The following ADAMTSL3 variants were observed in gnomAD, a reference collection of about 807,000 sequenced individuals.
The protein encoded by ADAMTSL3 is ADAMTS-like protein 3.
A neutral mutation model predicts 201.7 loss-of-function variants in ADAMTSL3; 128 were observed. That is an observed-to-expected ratio of 0.63 (90% CI 0.55 to 0.73). The LOEUF is 0.73. ADAMTSL3 is among the 30% of genes least tolerant of loss of function. The probability of loss-of-function intolerance (pLI) is 0.00; values close to 1 mark genes in which losing one functional copy is unlikely to be tolerated. For missense variants in ADAMTSL3, 1,990 were observed against 2,119.6 expected, an observed-to-expected ratio of 0.94 and a Z score of 1.20; for synonymous variants, 738 against 748.4, an observed-to-expected ratio of 0.99 and a Z score of 0.23.
intron 19 of ADAMTSL3, among the ~76,000 whole-genome samples, chr15:83,958,318 C>A (rs761818583): frequency 6.6e-6 from 1 of 152,140 alleles, no homozygotes; most frequent in African/African-American, 2.4e-5. Flanking sequence ...TGCAGAACCA[C>A]TAAAGGGCTT....
intron 20 of ADAMTSL3, among the ~76,000 whole-genome samples, chr15:83,971,639 A>G (rs922230555): frequency 6.6e-6 from 1 of 150,886 alleles, no homozygotes; most frequent in East Asian, 1.9e-4. Context: ...CATGACAGCC[A>G]TGACAGCAAT....
At chr15:83,770,383 G>A (rs979415451) in intron 3 of ADAMTSL3, among the ~76,000 whole-genome samples, 11 of 152,190 alleles carry the variant, frequency 7.2e-5, no homozygotes, top group Admixed American at 2.6e-4. Context: ...AACAACATTC[G>A]TTCCTAGTCC....
chr15:83,796,793 T>C (rs1197638554), intron 4 of ADAMTSL3, among the ~76,000 whole-genome samples: 1 of 152,168 alleles, frequency 6.6e-6, no homozygotes, highest in Non-Finnish European at 1.5e-5. Context: ...AAAGTGGCCC[T>C]GTAAATCAGT....
intron 2 of ADAMTSL3, among the ~76,000 whole-genome samples, chr15:83,673,480 G>GT (rs1055901543): frequency 7.2e-5 from 11 of 151,976 alleles, no homozygotes; most frequent in Admixed American, 2.0e-4. Context: ...TCATTGCTGG[G>GT]TTTTTTTTCT....
At position 83,991,138 on chromosome 15, in the gene ADAMTSL3, C is replaced by T. The variant is rs749738577; in HGVS notation, c.3897C>T (p.Asn1299=). 1.9e-6 allele frequency: 3 copies of T among 1,614,230 alleles called. No homozygotes were observed. The highest frequency in any genetic ancestry group is 2.5e-6 in the Non-Finnish European group (3 of 1,180,028). The change falls in exon 23 of 30, where the codon AAC becomes AAT. Residue 1299 remains asparagine, a synonymous_variant. Transcript: ENST00000286744. ...VERNITKPEH[N]HLSVVVGGIV... ...GAAATATCACCAAACCAGAGCACAACCATCTGTCTGTTGTGGTTGGAGGCA... is the reference window on the plus strand; with the variant it reads ...GAAATATCACCAAACCAGAGCACAATCATCTGTCTGTTGTGGTTGGAGGCA...
At chr15:84,000,786 A>T (rs1201046266) in intron 23 of ADAMTSL3, among the ~76,000 whole-genome samples, 1 of 152,234 alleles carries the variant, frequency 6.6e-6, no homozygotes, top group South Asian at 2.1e-4. Flanking sequence ...GCACGGAAAC[A>T]TGAAAGCACC....
intron 7 of ADAMTSL3, among the ~76,000 whole-genome samples, chr15:83,838,918 C>G (rs147028520): frequency 6.6e-6 from 1 of 152,298 alleles, no homozygotes; most frequent in Non-Finnish European, 1.5e-5. Flanking sequence ...CTCAACACAG[C>G]TGTTGCAGTG....
intron 2 of ADAMTSL3, among the ~76,000 whole-genome samples, chr15:83,674,989 TA>T (rs1380407822): frequency 4.0e-5 from 6 of 151,860 alleles, no homozygotes; most frequent in Admixed American, 3.9e-4. Context: ...ACATATTCTA[TA>T]TTTTTTTGGA....
chr15:83,824,714 C>T (rs1435639256), intron 6 of ADAMTSL3: 3 of 152,128 alleles, frequency 2.0e-5, no homozygotes, highest in African/African-American at 7.2e-5. Flanking sequence ...TCCGGAATGT[C>T]ACAGAGTTGG....
intron 23 of ADAMTSL3, among the ~76,000 whole-genome samples, chr15:83,996,165 A>G (rs568865985): frequency 3.2e-4 from 48 of 152,342 alleles, no homozygotes; most frequent in African/African-American, 1.2e-3. Context: ...TGACTTTGGA[A>G]TGGAAAAGAT....
rs6145659 is a variant in ADAMTSL3 at position 83,872,627 on chromosome 15, C to CACACACAGAG, written c.960+1669_960+1670insCACACAGAGA. Among the ~76,000 whole-genome samples, 1,082 of 140,958 alleles carry CACACACAGAG rather than the reference C, an allele frequency of 7.7e-3. 18 individuals carry two copies. Among genetic ancestry groups the CACACACAGAG allele is most frequent in the African/African-American group, 0.023 (817 of 35,928 alleles). The allele number at this position is 140,958 out of a possible 152,430, so 92.5% of individuals were successfully genotyped here. ...ACACACACACACACACACACACACA[C>CACACACAGAG]AGAGTTTTTGTTCTCTTTTAATTAC... On this transcript the variant is annotated intron_variant, in intron 9 of 29. Coordinates refer to ENST00000286744, the MANE Select transcript of ADAMTSL3 (RefSeq NM_207517.3).
chr15:83,756,314 C>T (rs759429772), intron 3 of ADAMTSL3, among the ~76,000 whole-genome samples: 16 of 152,270 alleles, frequency 1.1e-4, no homozygotes, highest in Middle Eastern at 3.4e-3. Flanking sequence ...GCTCACAGTT[C>T]CACATGTCTG....
chr15:83,915,706 A>G (rs923458893), intron 16 of ADAMTSL3, among the ~76,000 whole-genome samples: 3 of 152,186 alleles, frequency 2.0e-5, no homozygotes, highest in Non-Finnish European at 4.4e-5. Context: ...GGAAACCACT[A>G]CTGTCTATTA....
chr15:83,679,413 T>C (rs971505704), intron 2 of ADAMTSL3, among the ~76,000 whole-genome samples: 8 of 152,142 alleles, frequency 5.3e-5, no homozygotes, highest in Non-Finnish European at 1.2e-4. Context: ...AATTATATCC[T>C]AAACATTTTG....
intron 3 of ADAMTSL3, among the ~76,000 whole-genome samples, chr15:83,746,859 G>C (rs1218473495): frequency 6.6e-6 from 1 of 151,658 alleles, no homozygotes; most frequent in Non-Finnish European, 1.5e-5. Context: ...GTGTGACCTT[G>C]CCTCTTAAAA....
At chr15:83,975,445 A>C (rs1374402300) in intron 20 of ADAMTSL3, among the ~76,000 whole-genome samples, 5 of 152,146 alleles carry the variant, frequency 3.3e-5, no homozygotes, top group Non-Finnish European at 7.3e-5. Context: ...TCATAGCTAC[A>C]GTCGTAGAGA....
chr15:83,863,908 C>CAA (rs1185890865), intron 8 of ADAMTSL3, among the ~76,000 whole-genome samples: 2 of 151,934 alleles, frequency 1.3e-5, no homozygotes, highest in East Asian at 3.9e-4. Context: ...CAAATAGATG[C>CAA]AATAAAAAAT....
intron 3 of ADAMTSL3, among the ~76,000 whole-genome samples, chr15:83,755,622 C>G (rs2062707200): frequency 6.6e-6 from 1 of 152,190 alleles, no homozygotes; most frequent in South Asian, 2.1e-4. Context: ...AAATAATATT[C>G]CACTGCATGT....
At chr15:84,006,942 T>C (rs958902365) in intron 23 of ADAMTSL3, among the ~76,000 whole-genome samples, 3 of 152,158 alleles carry the variant, frequency 2.0e-5, no homozygotes, top group Non-Finnish European at 4.4e-5. Flanking sequence ...ATGGGAGATG[T>C]CCAGGAGTCT....
Sources: allele counts gnomAD v4.1 joint callset (sites outside exome capture counted in the v4.1 genomes callset), GRCh38; gene constraint gnomAD v4.1.1; transcripts MANE v1.5; gene names NCBI Gene and HGNC (gene_info 2026-07-23, HGNC 2026-07-21).